COL22A1: variants seen among roughly 807,000 people sequenced by gnomAD.
COL22A1 encodes the protein collagen type XXII alpha 1 chain.
COL22A1 carries 221 observed loss-of-function variants against 248.9 expected under a neutral mutation model. The ratio of observed to expected loss-of-function variants is 0.89; its 90% CI spans 0.80 to 0.99. The LOEUF (loss-of-function observed/expected upper bound fraction) is 0.99. Among genes scored for constraint, COL22A1 ranks in the 50% least tolerant of loss-of-function variants. The probability of loss-of-function intolerance (pLI) is 0.00; values close to 1 mark genes in which losing one functional copy is unlikely to be tolerated. For synonymous variants in COL22A1, 891 were observed against 793.4 expected, an observed-to-expected ratio of 1.12 and a Z score of -2.07; for missense variants, 2,240 against 2,179.0, an observed-to-expected ratio of 1.03 and a Z score of -0.56.
chr8:138,678,595 A>C (rs1825740251), intron 40 of COL22A1, among the ~76,000 whole-genome samples: 1 of 152,186 alleles, frequency 6.6e-6, no homozygotes, highest in Non-Finnish European at 1.5e-5. Flanking sequence ...AAATAAGACA[A>C]ATATGGAAAC....
rs773318910 is a variant in COL22A1 at position 138,821,366 on chromosome 8, C to A, written c.1015G>T (p.Ala339Ser). 3 of 1,614,084 alleles carry A rather than the reference C, an allele frequency of 1.9e-6. No homozygotes were observed. In the Admixed American group the frequency reaches 5.0e-5, roughly 27 times the overall value. The change falls in exon 7 of 65, where the codon GCT (alanine) becomes TCT (serine). Residue 339 changes from alanine (A) to serine (S), a missense_variant. Ala to Ser is a moderately conservative substitution (Grantham distance 99). Transcript: ENST00000303045. ...ACAGCATCTTTCATGGCACCCACAG[C>A]GTTGTACTCGACTGCCTTGTTTTCA... ...DGENKAVEYN[A>S]VGAMKDAVRV... is the part of the protein sequence containing the mutation.
Position 138,601,967 on chromosome 8 carries a change from C to T in COL22A1, c.4185+148G>A, listed in dbSNP as rs1158889670. On this transcript the variant is annotated intron_variant, in intron 60 of 64. Coordinates refer to ENST00000303045, the MANE Select transcript of COL22A1 (RefSeq NM_152888.3). ...TCCCTTTGTGGGGCTGGTGATCATC[C>T]AGGAAAAAGTGAACAAAATCACTAC... 4 of 727,532 alleles carry T rather than the reference C, an allele frequency of 5.5e-6. No individual in the cohort carries two copies. The African/African-American group carries it at 7.0e-5, about 13-fold the overall frequency. The allele number at this position is 727,532 out of a possible 1,614,324, so 45.1% of individuals were successfully genotyped here.
chr8:138,742,947 T>G (rs1831764302), intron 22 of COL22A1, among the ~76,000 whole-genome samples: 1 of 151,880 alleles, frequency 6.6e-6, no homozygotes, highest in African/African-American at 2.4e-5. Flanking sequence ...ATGGTGATGG[T>G]GATGGTAGAG....
intron 12 of COL22A1, among the ~76,000 whole-genome samples, chr8:138,783,333 C>G (rs906014443): frequency 2.0e-5 from 3 of 151,822 alleles, no homozygotes; most frequent in Non-Finnish European, 2.9e-5. Flanking sequence ...TAACTAACAA[C>G]AAGATCACAA....
intron 16 of COL22A1, among the ~76,000 whole-genome samples, chr8:138,774,147 G>C (rs964862836): frequency 5.9e-5 from 9 of 152,024 alleles, no homozygotes; most frequent in African/African-American, 1.9e-4. Context: ...GTAACGGTAA[G>C]GGTTTTGCTT....
chr8:138,791,331 G>A (rs377504334), intron 12 of COL22A1, among the ~76,000 whole-genome samples: 1 of 152,184 alleles, frequency 6.6e-6, no homozygotes, highest in Non-Finnish European at 1.5e-5. Flanking sequence ...GAATCAGCGG[G>A]AGACAAATAC....
chr8:138,907,850 T>C (rs1236912376), intron 1 of COL22A1, among the ~76,000 whole-genome samples: 1 of 152,164 alleles, frequency 6.6e-6, no homozygotes, highest in African/African-American at 2.4e-5. Context: ...AGAACTAACC[T>C]GTTCCTACAA....
Position 138,716,262 on chromosome 8 carries a change from C to T in COL22A1, c.2428G>A (p.Gly810Ser). Residue 810 changes from glycine (G) to serine (S), a missense_variant, in exon 29 of 65, where the codon GGC becomes AGC. Transcript: ENST00000303045. ...TTCTCTCCTCTCACACCTGGGAAGC[C>T]TGGAGCCCCTGGGAGGCCTGCTTCT... ...KGEAGLPGAP[G>S]FPGVRGEKGD... 1 of 1,593,018 alleles carries T rather than the reference C, an allele frequency of 6.3e-7. No homozygotes were observed. The highest frequency in any genetic ancestry group is 8.6e-7 in the Non-Finnish European group (1 of 1,168,054).
chr8:138,734,605 A>G (rs902574124), intron 23 of COL22A1, among the ~76,000 whole-genome samples: 5 of 152,186 alleles, frequency 3.3e-5, no homozygotes, highest in Non-Finnish European at 7.3e-5. Context: ...ACCACTGTGG[A>G]AGACAGTGTG....
intron 5 of COL22A1, among the ~76,000 whole-genome samples, chr8:138,831,711 G>T (rs1367567101): frequency 3.3e-5 from 5 of 152,144 alleles, no homozygotes; most frequent in African/African-American, 7.2e-5. Context: ...GAGCCAGGAG[G>T]CCACAAAGGC....
At chr8:138,814,351 C>T (rs1818498990) in intron 7 of COL22A1, among the ~76,000 whole-genome samples, 1 of 152,212 alleles carries the variant, frequency 6.6e-6, no homozygotes, top group South Asian at 2.1e-4. Flanking sequence ...ATTCCCCTCC[C>T]CTGGTGTGAA....
chr8:138,895,895 A>T (rs1825379387), intron 1 of COL22A1, among the ~76,000 whole-genome samples: 1 of 152,214 alleles, frequency 6.6e-6, no homozygotes, highest in African/African-American at 2.4e-5. Flanking sequence ...AAGACAAGTA[A>T]ATATTGAAAG....
In COL22A1 at chr8:138,622,731, T is replaced by C. The variant is rs140507936; in HGVS notation, c.3771+1001A>G. ...AATAGGACAGACTATACACATTGTT[T>C]TACTCTTTGCTTTTCTACTTCACAA... On this transcript the variant is annotated intron_variant, in intron 52 of 64. Transcript: ENST00000303045. Among the ~76,000 whole-genome samples, 358 of 152,252 alleles carry C rather than the reference T, an allele frequency of 2.4e-3. 1 individual carries two copies. Among genetic ancestry groups the C allele is most frequent in the African/African-American group, 8.1e-3 (335 of 41,542 alleles).
At chr8:138,855,779 G>A (rs1586897953) in intron 3 of COL22A1, among the ~76,000 whole-genome samples, 2 of 152,162 alleles carry the variant, frequency 1.3e-5, no homozygotes, top group South Asian at 2.1e-4. Flanking sequence ...TTTTCTGGAG[G>A]AGCCTCCACC....
At chr8:138,607,585 TG>T (rs1447661506) in intron 57 of COL22A1, among the ~76,000 whole-genome samples, 1 of 150,948 alleles carries the variant, frequency 6.6e-6, no homozygotes, top group African/African-American at 2.4e-5. Context: ...TCATTTGAGG[TG>T]GTAAGGGTTG....
chr8:138,835,044 G>A (rs1054504180), intron 4 of COL22A1, among the ~76,000 whole-genome samples: 1 of 152,144 alleles, frequency 6.6e-6, no homozygotes, highest in Non-Finnish European at 1.5e-5. Flanking sequence ...GACAGGGAAG[G>A]CGCTCCGGGA....
intron 52 of COL22A1, chr8:138,620,087 T>G (rs1283567871): frequency 6.4e-6 from 1 of 155,948 alleles, no homozygotes; most frequent in Non-Finnish European, 1.4e-5. Flanking sequence ...ACACTCTTGC[T>G]ATTTAAAATT....
In COL22A1 at chr8:138,856,701, G is replaced by C. The variant is rs1193331186; in HGVS notation, c.659-12543C>G. Among the ~76,000 whole-genome samples, 3 of 152,234 alleles carry C rather than the reference G, an allele frequency of 2.0e-5. No homozygotes were observed. The South Asian group carries it at 6.2e-4, about 32-fold the overall frequency. On this transcript the variant is annotated intron_variant, in intron 3 of 64. Coordinates refer to ENST00000303045, the MANE Select transcript of COL22A1 (RefSeq NM_152888.3). ...GGAGAGACAGCAAGAGAGAGGGATA[G>C]AGAGAGAGACAGAGGCAGTGAGAGA...
intron 30 of COL22A1, among the ~76,000 whole-genome samples, chr8:138,707,823 T>C (rs1488586694): frequency 6.6e-6 from 1 of 152,118 alleles, no homozygotes; most frequent in Non-Finnish European, 1.5e-5. Flanking sequence ...GGGTATTCAA[T>C]TAGGAAAAGA....
Sources: allele counts gnomAD v4.1 joint callset (sites outside exome capture counted in the v4.1 genomes callset), GRCh38; gene constraint gnomAD v4.1.1; transcripts MANE v1.5; gene names NCBI Gene and HGNC (gene_info 2026-07-23, HGNC 2026-07-21).